The following RSPRY1 variants were observed in gnomAD, a reference collection of about 807,000 sequenced individuals.
RSPRY1 encodes ring finger and SPRY domain containing 1.
A neutral mutation model predicts 73.1 loss-of-function variants in RSPRY1; 23 were observed. The observed-to-expected ratio is 0.31, with a 90% CI of 0.23 to 0.45. RSPRY1 has a LOEUF of 0.45. RSPRY1 is among the 20% of genes least tolerant of loss of function. The pLI is 1.00. For missense variants in RSPRY1, 448 were observed against 698.7 expected (o/e 0.64, Z 4.05); for synonymous variants, 226 against 251.4 (o/e 0.90, Z 0.95).
chr16:57,233,341 C>T (rs1158860019), intron 13 of RSPRY1, among the ~76,000 whole-genome samples: 1 of 152,104 alleles, frequency 6.6e-6, no homozygotes, highest in East Asian at 1.9e-4. Context: ...GCCACTGCTT[C>T]TCCCTCAGTC....
At chr16:57,188,818 C>G (rs2074298410) in intron 1 of RSPRY1, among the ~76,000 whole-genome samples, 1 of 151,994 alleles carries the variant, frequency 6.6e-6, no homozygotes, top group African/African-American at 2.4e-5. Flanking sequence ...GTCTGCCTTT[C>G]GAAGTAATTT....
At chr16:57,203,821 C>T (rs2074671705) in intron 1 of RSPRY1, among the ~76,000 whole-genome samples, 1 of 152,224 alleles carries the variant, frequency 6.6e-6, no homozygotes, top group Non-Finnish European at 1.5e-5. Context: ...GTGCAACAAA[C>T]TGATCATTGT....
chr16:57,193,881 C>T (rs191919261), intron 1 of RSPRY1, among the ~76,000 whole-genome samples: 23 of 152,250 alleles, frequency 1.5e-4, no homozygotes, highest in African/African-American at 4.6e-4. Flanking sequence ...GCCTAGCCCA[C>T]ATGGTGAAAC....
intron 13 of RSPRY1, 87 bp downstream of exon 13, chr16:57,231,406 A>G: frequency 7.5e-7 from 1 of 1,338,114 alleles, no homozygotes; most frequent in Non-Finnish European, 1.0e-6. Context: ...AAAAGAATAT[A>G]ACAAATAAAT....
intron 1 of RSPRY1, among the ~76,000 whole-genome samples, chr16:57,194,696 T>C (rs1415703515): frequency 1.3e-5 from 2 of 152,204 alleles, no homozygotes; most frequent in Non-Finnish European, 2.9e-5. Context: ...TGTAATCAGC[T>C]TTTCCTTCCT....
chr16:57,216,452 T>G (rs2074941673), intron 7 of RSPRY1: 1 of 411,994 alleles, frequency 2.4e-6, no homozygotes, highest in East Asian at 4.6e-5. Context: ...GTATGGTGGC[T>G]CTTGCCCATA....
intron 2 of RSPRY1, 104 bp downstream of exon 2, chr16:57,205,112 C>A: frequency 1.3e-6 from 1 of 773,440 alleles, no homozygotes; most frequent in Non-Finnish European, 2.1e-6. Flanking sequence ...CTCGCCAAGC[C>A]TTGTGCTCAC....
intron 11 of RSPRY1, among the ~76,000 whole-genome samples, chr16:57,229,236 A>C (rs528099653): frequency 7.9e-5 from 12 of 152,180 alleles, no homozygotes; most frequent in African/African-American, 2.9e-4. Context: ...TTGAGTGTCC[A>C]TTTTTCTTGT....
intron 4 of RSPRY1, among the ~76,000 whole-genome samples, chr16:57,212,344 T>G (rs1318346825): frequency 1.3e-5 from 2 of 152,334 alleles, no homozygotes; most frequent in East Asian, 1.9e-4. Flanking sequence ...TTGTTTTTGC[T>G]TAGTAAAACT....
rs916478452 is a variant in RSPRY1 at position 57,231,026 on chromosome 16, G to C, written c.1377-141G>C. Reference sequence around the variant, plus strand: ...ATATTCTCTAGTCACAGACCTGTGTGGGTTATAAACACAGTCTGTCACTCT... The same window carrying C: ...ATATTCTCTAGTCACAGACCTGTGTCGGTTATAAACACAGTCTGTCACTCT... On this transcript the variant is annotated intron_variant, in intron 12 of 14. Coordinates refer to ENST00000394420, the MANE Select transcript of RSPRY1 (RefSeq NM_133368.3). 3 of 797,476 alleles carry C rather than the reference G, an allele frequency of 3.8e-6. No homozygotes were observed. In the African/African-American group the frequency reaches 5.2e-5, roughly 14 times the overall value. The allele number at this position is 797,476 out of a possible 1,614,324, so 49.4% of individuals were successfully genotyped here. A position where few individuals can be genotyped will look rare whatever the true frequency, so the allele number is the denominator to read the frequency against.
At chr16:57,219,333 T>C (rs1414269591) in intron 8 of RSPRY1, among the ~76,000 whole-genome samples, 1 of 152,206 alleles carries the variant, frequency 6.6e-6, no homozygotes, top group Non-Finnish European at 1.5e-5. Context: ...TTGTTGCCTG[T>C]TTTTTAGATA....
rs753112705 is a variant in RSPRY1, at chr16:57,221,434, T to C, written c.1161+19T>C. ...CAATCATGTGAGTACCCTAGAGAAC[T>C]GTGAAAATGGGAGCAGTGGCAGTTT... On this transcript the variant is annotated intron_variant, in intron 10 of 14. Transcript: ENST00000394420. 7.6e-6 allele frequency: 12 copies of C among 1,587,334 alleles called. No individual in the cohort carries two copies. Among genetic ancestry groups the C allele is most frequent in the Admixed American group, 1.8e-5 (1 of 55,010 alleles).
At chr16:57,216,595 C>A (rs80355333) in intron 7 of RSPRY1, 1 of 375,552 alleles carries the variant, frequency 2.7e-6, no homozygotes, top group Non-Finnish European at 4.9e-6. Context: ...TGGCATGCAC[C>A]TATGTTCCTA....
At position 57,230,736 on chromosome 16, in the gene RSPRY1, C is replaced by T. The variant is rs1168472409; in HGVS notation, c.1299C>T (p.Asp433=). The change falls in exon 12 of 15, where the codon GAC becomes GAT. Residue 433 remains aspartate (D), a synonymous_variant. Transcript: ENST00000394420. The stretch of plus-strand genomic sequence containing the variant: ...GAGATACAGTAGGATTTCTGTTAGA[C>T]TTGAATGAAAAGCAAATGATCTTCT... The part of the protein sequence containing the change: ...KEGDTVGFLL[D]LNEKQMIFFL... The T allele has an allele frequency of 6.2e-7, 1 of 1,607,578 alleles. No homozygotes were observed. Among genetic ancestry groups the T allele is most frequent in the African/African-American group, 1.3e-5 (1 of 74,914 alleles).
intron 1 of RSPRY1, among the ~76,000 whole-genome samples, chr16:57,192,493 T>C (rs2074367416): frequency 1.3e-5 from 2 of 152,152 alleles, no homozygotes; most frequent in African/African-American, 4.8e-5. Context: ...TTACTTCCCC[T>C]TTTTTACTAT....
At position 57,219,032 on chromosome 16, in the gene RSPRY1, G is replaced by A. The variant is rs867813387; in HGVS notation, c.902-1700G>A. 3.4e-4 allele frequency among the ~76,000 whole-genome samples: 42 copies of A among 122,988 alleles called. 4 individuals carry two copies. Among genetic ancestry groups the A allele is most frequent in the African/African-American group, 1.3e-3 (39 of 30,116 alleles). 80.7% of individuals were successfully genotyped at this position (122,988 alleles called of 152,430 possible). A position where few individuals can be genotyped will look rare whatever the true frequency, so the allele number is the denominator to read the frequency against. On this transcript the variant is annotated intron_variant, in intron 8 of 14. Coordinates refer to ENST00000394420, the MANE Select transcript of RSPRY1 (RefSeq NM_133368.3). The stretch of plus-strand genomic sequence containing the variant: ...ATTACAGGCGTGAGCCACCGCGCCC[G>A]GCCACATTTTCTTTATTCATTTGTC...
At chr16:57,235,800 C>T (rs1213838446) in intron 14 of RSPRY1, among the ~76,000 whole-genome samples, 1 of 152,202 alleles carries the variant, frequency 6.6e-6, no homozygotes, top group Non-Finnish European at 1.5e-5. Flanking sequence ...ACCTGTAATT[C>T]ATCATATCCC....
chr16:57,215,461 TC>T (rs2074922470), intron 6 of RSPRY1, among the ~76,000 whole-genome samples: 1 of 152,180 alleles, frequency 6.6e-6, no homozygotes, highest in African/African-American at 2.4e-5. Flanking sequence ...CTCTGGTGGC[TC>T]CCAATGTAGC....
chr16:57,216,206 T>A (rs767224634), intron 7 of RSPRY1, 33 bp downstream of exon 7: 1 of 1,487,342 alleles, frequency 6.7e-7, no homozygotes, highest in Non-Finnish European at 9.4e-7. Context: ...CTAATGATCT[T>A]CTGTATTGGT....
Sources: allele counts gnomAD v4.1 joint callset (sites outside exome capture counted in the v4.1 genomes callset), GRCh38; gene constraint gnomAD v4.1.1; transcripts MANE v1.5; gene names NCBI Gene and HGNC (gene_info 2026-07-23, HGNC 2026-07-21).